TMC2: variants seen among roughly 807,000 people sequenced by gnomAD.
TMC2 encodes transmembrane channel like 2.
Under a neutral mutation model 105.9 loss-of-function variants are expected in TMC2, and 102 were observed. That is an observed-to-expected ratio of 0.96 (90% CI 0.82 to 1.14). TMC2 has a LOEUF of 1.14. Ranked by LOEUF, TMC2 falls within the 50% of genes most tolerant of loss-of-function variation. The pLI, the probability that TMC2 is intolerant of heterozygous loss-of-function variation, is 0.00. For missense variants in TMC2, 1,093 were observed against 1,134.3 expected, an observed-to-expected ratio of 0.96 and a Z score of 0.52; for synonymous variants, 402 against 422.8, an observed-to-expected ratio of 0.95 and a Z score of 0.60.
At chr20:2,550,146 C>T (rs2085948118) in intron 2 of TMC2, among the ~76,000 whole-genome samples, 1 of 151,484 alleles carries the variant, frequency 6.6e-6, no homozygotes, top group Non-Finnish European at 1.5e-5. Flanking sequence ...TCACACCAGA[C>T]TGCACTCCAG....
At chr20:2,599,987 G>A (rs982302147) in intron 10 of TMC2, among the ~76,000 whole-genome samples, 2 of 152,150 alleles carry the variant, frequency 1.3e-5, no homozygotes, top group Non-Finnish European at 2.9e-5. Context: ...CCTAGAGCCC[G>A]GTGGGCTTTG....
At chr20:2,599,504 A>T (rs896645826) in intron 10 of TMC2, among the ~76,000 whole-genome samples, 19 of 142,418 alleles carry the variant, frequency 1.3e-4, no homozygotes, top group African/African-American at 5.0e-4. Flanking sequence ...TGTAAAAACC[A>T]TTCCAAGTTC....
At chr20:2,632,425 A>G (rs896028488) in intron 17 of TMC2, among the ~76,000 whole-genome samples, 8 of 151,940 alleles carry the variant, frequency 5.3e-5, no homozygotes, top group Non-Finnish European at 7.4e-5. Context: ...TCGTTCTTTG[A>G]TCATATTCTT....
At chr20:2,613,464 A>C in intron 14 of TMC2, 142 bp downstream of exon 14, 1 of 1,255,202 alleles carries the variant, frequency 8.0e-7, no homozygotes, top group Non-Finnish European at 1.1e-6. Flanking sequence ...TAAAGTGTTT[A>C]ATTTGTATTT....
chr20:2,560,874 G>A (rs1361448804), intron 3 of TMC2, among the ~76,000 whole-genome samples: 1 of 152,016 alleles, frequency 6.6e-6, no homozygotes, highest in Non-Finnish European at 1.5e-5. Context: ...ATAGGCTGGA[G>A]GCTGTAGGGA....
chr20:2,607,046 A>C (rs1364318421), intron 11 of TMC2, among the ~76,000 whole-genome samples: 1 of 151,690 alleles, frequency 6.6e-6, no homozygotes, highest in Non-Finnish European at 1.5e-5. Flanking sequence ...TATACAACTT[A>C]CTTTTTGGTG....
chr20:2,545,800 GGAAGAA>G (rs200233895), intron 2 of TMC2, among the ~76,000 whole-genome samples: 3 of 122,258 alleles, frequency 2.5e-5, no homozygotes, highest in South Asian at 2.5e-4. Context: ...AGATGAAGAA[GGAAGAA>G]GAAGAAGAGG....
chr20:2,537,699 G>C (rs56698924), intron 2 of TMC2, among the ~76,000 whole-genome samples: 2,896 of 151,948 alleles, frequency 0.019, 94 homozygotes, highest in African/African-American at 0.065. Context: ...AAAAGTAGTA[G>C]GCATAATGGG....
At chr20:2,633,531 GC>G (rs2086619455) in intron 17 of TMC2, among the ~76,000 whole-genome samples, 2 of 152,150 alleles carry the variant, frequency 1.3e-5, no homozygotes, top group South Asian at 4.1e-4. Flanking sequence ...GCCTCTGATT[GC>G]TTTTGCCAAT....
intron 19 of TMC2, among the ~76,000 whole-genome samples, chr20:2,640,684 G>T (rs1600146996): frequency 1.3e-5 from 2 of 152,288 alleles, no homozygotes; most frequent in East Asian, 3.9e-4. Flanking sequence ...AGAGGGACTG[G>T]GTTTAGTAAA....
chr20:2,609,033 C>T (rs1163106060), intron 11 of TMC2, among the ~76,000 whole-genome samples: 1 of 152,148 alleles, frequency 6.6e-6, no homozygotes, highest in Non-Finnish European at 1.5e-5. Context: ...ATTATTTATG[C>T]CTCATAGCAC....
At chr20:2,569,849 T>C (rs1053686215) in intron 4 of TMC2, among the ~76,000 whole-genome samples, 2 of 152,210 alleles carry the variant, frequency 1.3e-5, no homozygotes, top group African/African-American at 2.4e-5. Flanking sequence ...TTCCTTCTTA[T>C]GCTTTTTGTG....
At chr20:2,577,866 G>T (rs1257277832) in intron 5 of TMC2, among the ~76,000 whole-genome samples, 11 of 152,114 alleles carry the variant, frequency 7.2e-5, no homozygotes, top group Non-Finnish European at 1.5e-4. Context: ...CCTGCACTCG[G>T]CCTGGGCAGC....
At chr20:2,547,735 T>C (rs1281981864) in intron 2 of TMC2, among the ~76,000 whole-genome samples, 1 of 152,218 alleles carries the variant, frequency 6.6e-6, no homozygotes, top group African/African-American at 2.4e-5. Context: ...GGCTACTCAT[T>C]TGAAAGTGGC....
At chr20:2,587,908 T>C (rs2207155) in intron 7 of TMC2, among the ~76,000 whole-genome samples, 3,587 of 152,250 alleles carry the variant, frequency 0.024, 148 homozygotes, top group African/African-American at 0.08. Context: ...ATCTCCCCAA[T>C]TCCCTAAGTG....
At chr20:2,579,075 C>A in intron 5 of TMC2, 71 bp from the exon 6 acceptor site, 1 of 845,360 alleles carries the variant, frequency 1.2e-6, no homozygotes, top group East Asian at 2.6e-5. Context: ...CTCCTCGTGC[C>A]CCTCATCATG....
At chr20:2,591,097 A>G (rs908619585) in intron 7 of TMC2, among the ~76,000 whole-genome samples, 2 of 152,112 alleles carry the variant, frequency 1.3e-5, no homozygotes, top group African/African-American at 4.8e-5. Flanking sequence ...TTTTTTTACA[A>G]TTAAGGATAT....
chr20:2,560,867 G>A (rs2086021611), intron 3 of TMC2, among the ~76,000 whole-genome samples: 1 of 151,840 alleles, frequency 6.6e-6, no homozygotes, highest in Non-Finnish European at 1.5e-5. Context: ...AGTCAGAATA[G>A]GCTGGAGGCT....
chr20:2,611,795 T>C (rs919070379), intron 12 of TMC2, among the ~76,000 whole-genome samples: 2 of 150,896 alleles, frequency 1.3e-5, no homozygotes, highest in Non-Finnish European at 2.9e-5. Context: ...ACTGGATAGA[T>C]GCATGAATGG....
Sources: gnomAD v4.1 joint callset for allele counts (sites outside exome capture counted in the v4.1 genomes callset) on GRCh38, gnomAD v4.1.1 for gene constraint, MANE v1.5 for transcripts, NCBI Gene and HGNC (gene_info 2026-07-23, HGNC 2026-07-21) for gene names.